DCAF16: variants seen among roughly 807,000 people sequenced by gnomAD.
DCAF16 encodes DDB1 and CUL4 associated factor 16, also known as DDB1- and CUL4-associated factor 16.
A neutral mutation model predicts 17.3 loss-of-function variants in DCAF16; 10 were observed. The observed-to-expected ratio is 0.58, with a 90% confidence interval of 0.36 to 0.98. DCAF16 has a LOEUF of 0.98. Among genes scored for constraint, DCAF16 ranks in the 50% least tolerant of loss-of-function variants. DCAF16 has a pLI of 0.01. For missense variants in DCAF16, 249 were observed against 247.6 expected (o/e 1.01, Z -0.04); for synonymous variants, 111 against 92.8 (o/e 1.20, Z -1.12).
Position 17,803,390 on chromosome 4 carries a change from G to C in DCAF16, c.*101C>G. 8.8e-7 allele frequency: 1 copy of C among 1,137,598 alleles called. No homozygotes were observed. The highest frequency in any genetic ancestry group is 1.4e-5 in the South Asian group (1 of 69,768). 70.5% of individuals were successfully genotyped at this position (1,137,598 alleles called of 1,614,324 possible). A position where few individuals can be genotyped will look rare whatever the true frequency, so the allele number is the denominator to read the frequency against. The stretch of plus-strand genomic sequence containing the variant: ...TCCTCATTGGCTTGCCAGGGCATAA[G>C]AGAGTTTGACTGAGAAGGCATTAGT... On this transcript the variant is annotated 3_prime_UTR_variant, in exon 3 of 3. Transcript: ENST00000382247.
chr4:17,806,859 G>C (rs1470326054), intron 1 of DCAF16, among the ~76,000 whole-genome samples: 2 of 152,082 alleles, frequency 1.3e-5, no homozygotes, highest in Non-Finnish European at 2.9e-5. Flanking sequence ...ATAGAGCTTA[G>C]AAACAGAGCT....
rs1022634209 is a variant in DCAF16, at chr4:17,802,599, C to T, written c.*892G>A. ...CTGGGAAAGAAATTCATATCCCTGC[C>T]ATTTTCCTTTGTGTAGTTACCCAGT... On this transcript the variant is annotated 3_prime_UTR_variant, in exon 3 of 3. Transcript: ENST00000382247. 3 of 147,348 alleles carry T rather than the reference C, an allele frequency of 2.0e-5. No homozygotes were observed. The East Asian group carries it at 6.0e-4, about 29-fold the overall frequency. The allele number at this position is 147,348 out of a possible 1,614,324, so 9.1% of individuals were successfully genotyped here. A position where few individuals can be genotyped will look rare whatever the true frequency, so the allele number is the denominator to read the frequency against.
the DCAF16 span, among the ~76,000 whole-genome samples, chr4:17,795,299 C>A: frequency 1.3e-5 from 2 of 152,186 alleles, no homozygotes; most frequent in Non-Finnish European, 2.9e-5. Context: ...TATTGGGAAG[C>A]TTTTAGGTCC....
chr4:17,800,210 T>C (rs1719642464), downstream of DCAF16, among the ~76,000 whole-genome samples: 1 of 151,928 alleles, frequency 6.6e-6, no homozygotes, highest in African/African-American at 2.4e-5. Context: ...TAATGTCCAC[T>C]GGTTTAGAAA....
downstream of DCAF16, among the ~76,000 whole-genome samples, chr4:17,796,534 C>A (rs1375826333): frequency 2.0e-5 from 3 of 152,038 alleles, no homozygotes; most frequent in Admixed American, 1.3e-4. Flanking sequence ...CATGGTGAAA[C>A]CATCTCTACT....
At chr4:17,795,455 C>G in the DCAF16 span, among the ~76,000 whole-genome samples, 1 of 149,508 alleles carries the variant, frequency 6.7e-6, no homozygotes, top group South Asian at 2.1e-4. Flanking sequence ...TTTTTTCTCT[C>G]TTCACCTTCT....
At chr4:17,795,669 T>A (rs903016468), downstream of DCAF16, among the ~76,000 whole-genome samples, 2 of 152,254 alleles carry the variant, frequency 1.3e-5, no homozygotes, top group African/African-American at 2.4e-5. Context: ...GGTCATTTTT[T>A]AAAATAGCAT....
downstream of DCAF16, among the ~76,000 whole-genome samples, chr4:17,796,006 C>T (rs1463512961): frequency 6.6e-6 from 1 of 152,170 alleles, no homozygotes; most frequent in Non-Finnish European, 1.5e-5. Context: ...TCAGAATACT[C>T]ACATTCTGTT....
downstream of DCAF16, among the ~76,000 whole-genome samples, chr4:17,798,565 C>T (rs551830846): frequency 9.5e-4 from 145 of 152,018 alleles, no homozygotes; most frequent in Middle Eastern, 3.4e-3. Context: ...CCCTGCACTC[C>T]AGCCTAGGCA....
chr4:17,803,898 C>T lies in DCAF16; in HGVS notation c.244G>A (p.Asp82Asn). The T allele has an allele frequency of 3.1e-6, 5 of 1,614,080 alleles. No individual in the cohort carries two copies. In the South Asian group the frequency reaches 5.5e-5, roughly 18 times the overall value. ...AGTATATGGACTGGTGTGCTTGGAT[C>T]CAACAGTTTAGCATGATACAACCAG... ...NSWLYHAKLL[D>N]PSTPVHILRE... is the part of the protein sequence containing the mutation. The change falls in exon 3 of 3, where the codon GAT becomes AAT. Residue 82 changes from aspartate to asparagine, a missense_variant. Asp to Asn is a conservative substitution (Grantham distance 23). Coordinates refer to ENST00000382247, the MANE Select transcript of DCAF16 (RefSeq NM_017741.4).
intron 1 of DCAF16, among the ~76,000 whole-genome samples, chr4:17,805,511 T>A (rs181416971): frequency 2.0e-4 from 31 of 152,316 alleles, no homozygotes; most frequent in Admixed American, 1.7e-3. Context: ...TGGATAACTT[T>A]TGTTAGTTCC....
chr4:17,798,121 A>G (rs1318356325), downstream of DCAF16, among the ~76,000 whole-genome samples: 2 of 152,160 alleles, frequency 1.3e-5, no homozygotes, highest in Admixed American at 6.6e-5. Flanking sequence ...GTTGTTATAT[A>G]GAGCCTAACT....
In DCAF16 at chr4:17,801,928, CCT is replaced by C. The variant is rs1719828094; in HGVS notation, c.*1561_*1562del. The C allele has an allele frequency of 6.6e-6, 1 of 151,868 alleles. No homozygotes were observed. The allele number at this position is 151,868 out of a possible 1,614,324, so 9.4% of individuals were successfully genotyped here. On this transcript the variant is annotated 3_prime_UTR_variant, in exon 3 of 3. Transcript: ENST00000382247. ...ACCATCCTGGCTAACACGGTGAAAC[CCT>C]GTCTCTACTAAAAATACAAAAAAAT... is the stretch of plus-strand genomic sequence containing the variant.
intron 1 of DCAF16, among the ~76,000 whole-genome samples, chr4:17,805,875 G>A (rs1247969678): frequency 6.6e-6 from 1 of 152,106 alleles, no homozygotes; most frequent in Non-Finnish European, 1.5e-5. Flanking sequence ...TGAGGCAGGC[G>A]GACTGCTTGA....
intron 1 of DCAF16, among the ~76,000 whole-genome samples, chr4:17,808,739 G>T (rs576456376): frequency 5.0e-4 from 76 of 152,296 alleles, no homozygotes; most frequent in Middle Eastern, 3.4e-3. Flanking sequence ...ATATAGTAAA[G>T]AAATACTAGC....
intron 1 of DCAF16, among the ~76,000 whole-genome samples, chr4:17,805,845 G>A (rs984348941): frequency 6.6e-6 from 1 of 152,144 alleles, no homozygotes; most frequent in East Asian, 1.9e-4. Flanking sequence ...TGTGCCTTTA[G>A]TTCTAGCTAC....
chr4:17,806,009 C>A (rs1456872768), intron 1 of DCAF16, among the ~76,000 whole-genome samples: 1 of 152,144 alleles, frequency 6.6e-6, no homozygotes. Context: ...CTAAAGATAA[C>A]CATGTTGACT....
intron 1 of DCAF16, among the ~76,000 whole-genome samples, chr4:17,807,849 T>C (rs1203595234): frequency 3.9e-5 from 6 of 152,224 alleles, no homozygotes; most frequent in Non-Finnish European, 8.8e-5. Context: ...CATTATCGAA[T>C]ACACTGAGTT....
In DCAF16 at chr4:17,804,111, A is replaced by C. The variant is rs940479405; in HGVS notation, c.31T>G (p.Leu11Val). The change falls in exon 3 of 3, where the codon TTG becomes GTG. Residue 11 changes from leucine (L) to valine (V), a missense_variant. Coordinates refer to ENST00000382247, the MANE Select transcript of DCAF16 (RefSeq NM_017741.4). MGPRNPSPDH[L>V]SESESEEEEN... ...TCTTCCTCACTTTCTGATTCTGACA[A>C]GTGGTCAGGAGAGGGATTTCTAGGA... is the stretch of plus-strand genomic sequence containing the variant. The C allele has an allele frequency of 6.2e-7, 1 of 1,613,874 alleles. No individual in the cohort carries two copies. The highest frequency in any genetic ancestry group is 1.3e-5 in the African/African-American group (1 of 74,878).
Sources: gnomAD v4.1 joint callset for allele counts (sites outside exome capture counted in the v4.1 genomes callset) on GRCh38, gnomAD v4.1.1 for gene constraint, MANE v1.5 for transcripts, NCBI Gene and HGNC (gene_info 2026-07-23, HGNC 2026-07-21) for gene names.